Variants in B4GALT1 observed in about 807,000 individuals in gnomAD.
B4GALT1 encodes the protein beta-1,4-galactosyltransferase 1.
In B4GALT1, 16 loss-of-function variants were observed where a neutral mutation model predicts 34.9. That is an observed-to-expected ratio of 0.46 (90% CI 0.31 to 0.70). B4GALT1 has a LOEUF of 0.70. Ranked by LOEUF, B4GALT1 falls within the 30% of genes least tolerant of loss-of-function variation. B4GALT1 has a pLI of 0.05. For synonymous variants in B4GALT1, 221 were observed against 218.1 expected (o/e 1.01, Z -0.12); for missense variants, 445 against 530.5 (o/e 0.84, Z 1.58).
At chr9:33,170,574 T>A (rs112816386), upstream of B4GALT1, among the ~76,000 whole-genome samples, 370 of 152,320 alleles carry the variant, frequency 2.4e-3, 1 homozygote, top group Non-Finnish European at 3.8e-3. Context: ...ATCACAGACC[T>A]GTCCCAGGAC....
At chr9:33,182,570 T>C in the B4GALT1 span, among the ~76,000 whole-genome samples, 1 of 152,310 alleles carries the variant, frequency 6.6e-6, no homozygotes, top group East Asian at 1.9e-4. Flanking sequence ...CCTCCCTTTT[T>C]TCCCCCCATA....
intron 1 of B4GALT1, among the ~76,000 whole-genome samples, chr9:33,159,348 G>T (rs1300131227): frequency 1.3e-5 from 2 of 152,196 alleles, no homozygotes; most frequent in Admixed American, 6.5e-5. Flanking sequence ...CCGTGGTGGG[G>T]CAGGAAGGAG....
chr9:33,107,973 C>T (rs1256677133), downstream of B4GALT1, among the ~76,000 whole-genome samples: 1 of 152,086 alleles, frequency 6.6e-6, no homozygotes, highest in African/African-American at 2.4e-5. Context: ...ACGTGTGCCC[C>T]AGAAGAGGAA....
At chr9:33,144,888 C>T (rs1840403078) in intron 1 of B4GALT1, among the ~76,000 whole-genome samples, 1 of 152,228 alleles carries the variant, frequency 6.6e-6, no homozygotes, top group Non-Finnish European at 1.5e-5. Flanking sequence ...TATTGACCCA[C>T]ACTGCACTTG....
chr9:33,171,725 T>A (rs1840843028), upstream of B4GALT1, among the ~76,000 whole-genome samples: 1 of 152,140 alleles, frequency 6.6e-6, no homozygotes, highest in Admixed American at 6.5e-5. Flanking sequence ...CAGCTAATTT[T>A]AAAATTTTTA....
At chr9:33,163,412 T>G (rs1245792129) in intron 1 of B4GALT1, among the ~76,000 whole-genome samples, 1 of 152,140 alleles carries the variant, frequency 6.6e-6, no homozygotes, top group African/African-American at 2.4e-5. Flanking sequence ...GAAGAGGATC[T>G]CCTCAAAGCA....
In B4GALT1 at chr9:33,111,113, A is replaced by G. The variant is rs1839850248; in HGVS notation, c.*2341T>C. 6.6e-6 allele frequency: 1 copy of G among 152,604 alleles called. No individual in the cohort carries two copies. Among genetic ancestry groups the G allele is most frequent in the Non-Finnish European group, 1.5e-5 (1 of 68,048 alleles). 9.5% of individuals were successfully genotyped at this position (152,604 alleles called of 1,614,324 possible). ...GCGGCATCTCACGGACCAGGCAAACATCCAGGCCTAACTGTGCCCTGGCTG... is the reference window on the plus strand; with the variant it reads ...GCGGCATCTCACGGACCAGGCAAACGTCCAGGCCTAACTGTGCCCTGGCTG... On this transcript the variant is annotated 3_prime_UTR_variant, in exon 6 of 6. Transcript: ENST00000379731.
intron 1 of B4GALT1, among the ~76,000 whole-genome samples, chr9:33,149,343 TG>T (rs1840476759): frequency 6.6e-6 from 1 of 151,876 alleles, no homozygotes; most frequent in South Asian, 2.1e-4. Context: ...TGCAGTGGCG[TG>T]ATTTCAGCTC....
rs544104544 is a variant in B4GALT1 at position 33,154,002 on chromosome 9, GGAGA to G, written c.412+12752_412+12755del. 9.5e-4 allele frequency among the ~76,000 whole-genome samples: 121 copies of G among 127,016 alleles called. 3 individuals carry two copies. In the South Asian group the frequency reaches 0.029, roughly 31 times the overall value. The allele number at this position is 127,016 out of a possible 152,430, so 83.3% of individuals were successfully genotyped here. On this transcript the variant is annotated intron_variant, in intron 1 of 5. Coordinates refer to ENST00000379731, the MANE Select transcript of B4GALT1 (RefSeq NM_001497.4). Reference sequence around the variant, plus strand: ...GGAGGGGAAAAGAAGGGAGGGGAGGGGAGAGAGAGAGAGAGAGAGGAAGGAAGGA... The same window carrying G: ...GGAGGGGAAAAGAAGGGAGGGGAGGGGAGAGAGAGAGAGAGGAAGGAAGGA...
At chr9:33,107,819 G>A (rs952323188), downstream of B4GALT1, among the ~76,000 whole-genome samples, 1 of 152,108 alleles carries the variant, frequency 6.6e-6, no homozygotes, top group Non-Finnish European at 1.5e-5. Flanking sequence ...CCCTCCCCAA[G>A]GCTGCCATCC....
At chr9:33,132,118 A>C (rs973387626) in intron 2 of B4GALT1, among the ~76,000 whole-genome samples, 2 of 152,086 alleles carry the variant, frequency 1.3e-5, no homozygotes, top group Non-Finnish European at 2.9e-5. Context: ...AAGTATGAGG[A>C]AAAGCAAAGA....
In B4GALT1 at chr9:33,113,557, G is replaced by C; in HGVS notation, c.1094C>G (p.Thr365Arg). The C allele has an allele frequency of 6.2e-7, 1 of 1,614,238 alleles. No individual in the cohort carries two copies. The highest frequency in any genetic ancestry group is 8.5e-7 in the Non-Finnish European group (1 of 1,180,054). The part of the protein sequence containing the change: ...RFDRIAHTKE[T>R]MLSDGLNSLT... Reference sequence around the variant, plus strand: ...TGAGTTCAAACCATCAGAGAGCATTGTCTCCTTTGTGTGTGCAATTCGGTC... The same window carrying C: ...TGAGTTCAAACCATCAGAGAGCATTCTCTCCTTTGTGTGTGCAATTCGGTC... The change falls in exon 6 of 6, where the codon ACA (threonine) becomes AGA (arginine). Residue 365 changes from threonine to arginine, a missense_variant. This residue lies in a region of B4GALT1 where 89 missense variants were observed against 107.6 expected (regional missense o/e 0.83). Transcript: ENST00000379731.
intron 2 of B4GALT1, among the ~76,000 whole-genome samples, chr9:33,126,610 T>G (rs113391608): frequency 0.051 from 4,582 of 89,554 alleles, 105 homozygotes; most frequent in Non-Finnish European, 0.075. Flanking sequence ...TGTTAACTAT[T>G]GTTAACCATA....
chr9:33,104,695 C>T, exon 3 of B4GALT1: 4 of 452,324 alleles, frequency 8.8e-6, no homozygotes, highest in South Asian at 6.3e-5. Flanking sequence ...CAGGAAGATG[C>T]TGGGACTAAC....
intron 2 of B4GALT1, among the ~76,000 whole-genome samples, chr9:33,127,798 TAC>T (rs1426525076): frequency 5.9e-5 from 9 of 152,368 alleles, no homozygotes; most frequent in African/African-American, 1.9e-4. Context: ...CAAAAGTTTA[TAC>T]ACACACAGCA....
intron 1 of B4GALT1, among the ~76,000 whole-genome samples, chr9:33,156,801 T>C (rs1840599772): frequency 6.6e-6 from 1 of 152,132 alleles, no homozygotes; most frequent in South Asian, 2.1e-4. Flanking sequence ...CACAAACTTT[T>C]TGATCAACAC....
At chr9:33,131,916 A>G (rs1440212162) in intron 2 of B4GALT1, among the ~76,000 whole-genome samples, 1 of 152,110 alleles carries the variant, frequency 6.6e-6, no homozygotes, top group Non-Finnish European at 1.5e-5. Flanking sequence ...CTTTACTGGA[A>G]AGGTATGGCA....
At chr9:33,153,668 T>C (rs1389008305) in intron 1 of B4GALT1, among the ~76,000 whole-genome samples, 11 of 151,864 alleles carry the variant, frequency 7.2e-5, no homozygotes, top group Admixed American at 4.6e-4. Flanking sequence ...TAAGAAAAAA[T>C]AGAAGGTCTG....
chr9:33,115,919 A>C, intron 4 of B4GALT1, 72 bp downstream of exon 4: 1 of 1,566,424 alleles, frequency 6.4e-7, no homozygotes, highest in Non-Finnish European at 8.7e-7. Context: ...CTTGGGGAAC[A>C]ACCAAGCATT....
Sources: allele counts gnomAD v4.1 joint callset (sites outside exome capture counted in the v4.1 genomes callset), GRCh38; gene constraint gnomAD v4.1.1; regional missense constraint gnomAD v4.1.1; transcripts MANE v1.5; gene names NCBI Gene and HGNC (gene_info 2026-07-23, HGNC 2026-07-21).